Variants in MSRA observed in about 807,000 individuals in gnomAD.
MSRA encodes the protein mitochondrial peptide methionine sulfoxide reductase.
MSRA carries 54 observed loss-of-function variants against 31.3 expected under a neutral mutation model. The ratio of observed to expected loss-of-function variants is 1.73; its 90% CI spans 1.39 to 2.17. MSRA has a LOEUF of 2.17. Among genes scored for constraint, MSRA ranks in the 30% most tolerant of loss-of-function variants. The probability of loss-of-function intolerance (pLI) is 0.00; values close to 1 mark genes in which losing one functional copy is unlikely to be tolerated. For missense variants in MSRA, 507 were observed against 300.9 expected (o/e 1.69, Z -5.07); for synonymous variants, 169 against 116.5 (o/e 1.45, Z -2.90).
chr8:10,059,009 G>A (rs1802552935), intron 1 of MSRA: 1 of 152,308 alleles, frequency 6.6e-6, no homozygotes, highest in Middle Eastern at 3.4e-3. Flanking sequence ...GGTACAGCCA[G>A]TGTGATCAGA....
At chr8:10,245,079 T>G in intron 2 of MSRA, 25 bp from the exon 3 acceptor site, 1 of 1,608,598 alleles carries the variant, frequency 6.2e-7, no homozygotes, top group Non-Finnish European at 8.5e-7. Flanking sequence ...TCAGTATCCT[T>G]TTTTTTTCTT....
chr8:10,339,531 C>CTTTTTTTTT lies in MSRA; in HGVS notation c.543+19560_543+19568dup, dbSNP rs774034241. On this transcript the variant is annotated intron_variant, in intron 5 of 5. Coordinates refer to ENST00000317173, the MANE Select transcript of MSRA (RefSeq NM_012331.5). ...GTTAAGCAAGGGGTTTTCTTTCTTTCTTTTTTTTTTTTTTTTTTTTTTTTT... is the reference window on the plus strand; with the variant it reads ...GTTAAGCAAGGGGTTTTCTTTCTTTCTTTTTTTTTTTTTTTTTTTTTTTTTTTTTTTTTT... 8.8e-4 allele frequency among the ~76,000 whole-genome samples: 64 copies of CTTTTTTTTT among 72,812 alleles called. 1 individual carries two copies. Among genetic ancestry groups the CTTTTTTTTT allele is most frequent in the Non-Finnish European group, 1.1e-3 (46 of 41,100 alleles). The allele number at this position is 72,812 out of a possible 152,430, so 47.8% of individuals were successfully genotyped here.
In MSRA at chr8:10,360,319, A is replaced by G. The variant is rs75721233; in HGVS notation, c.543+40330A>G. On this transcript the variant is annotated intron_variant, in intron 5 of 5. Transcript: ENST00000317173. ...TAGCAGAGATGCCCCCTTCCTCAAA[A>G]AAGAACAAAAAACAAACAAAAAACA... Among the ~76,000 whole-genome samples, 220 of 152,310 alleles carry G rather than the reference A, an allele frequency of 1.4e-3. 5 individuals are homozygous for G. In the East Asian group the frequency reaches 0.04, roughly 28 times the overall value.
At chr8:10,270,040 A>G (rs1798948874) in intron 3 of MSRA, among the ~76,000 whole-genome samples, 1 of 152,238 alleles carries the variant, frequency 6.6e-6, no homozygotes, top group African/African-American at 2.4e-5. Flanking sequence ...ATAATGTGCA[A>G]TGGATAGCAT....
At chr8:10,275,120 G>A (rs1158067401) in intron 3 of MSRA, among the ~76,000 whole-genome samples, 1 of 150,914 alleles carries the variant, frequency 6.6e-6, no homozygotes, top group Non-Finnish European at 1.5e-5. Flanking sequence ...TATTCCAGGT[G>A]TCCTTTTTTC....
chr8:10,337,489 C>G (rs1803129617), intron 5 of MSRA: 3 of 537,756 alleles, frequency 5.6e-6, no homozygotes, highest in Non-Finnish European at 9.9e-6. Context: ...AAGCCTATGT[C>G]GCTTTTAAGA....
chr8:10,299,771 C>G (rs1800743626), intron 3 of MSRA, among the ~76,000 whole-genome samples: 1 of 152,140 alleles, frequency 6.6e-6, no homozygotes, highest in South Asian at 2.1e-4. Flanking sequence ...CTCAAAAACG[C>G]TGCCAATGGA....
intron 5 of MSRA, among the ~76,000 whole-genome samples, chr8:10,405,707 A>T (rs1807762382): frequency 6.6e-6 from 1 of 152,186 alleles, no homozygotes; most frequent in Non-Finnish European, 1.5e-5. Flanking sequence ...ATGCATACAC[A>T]ACCATGTGCT....
intron 1 of MSRA, among the ~76,000 whole-genome samples, chr8:10,104,261 C>T (rs958169722): frequency 6.6e-6 from 1 of 152,134 alleles, no homozygotes; most frequent in Non-Finnish European, 1.5e-5. Context: ...GCCATTCTCC[C>T]AAGTATTTGT....
chr8:10,310,305 T>A (rs942562455), intron 4 of MSRA, among the ~76,000 whole-genome samples: 7 of 152,210 alleles, frequency 4.6e-5, no homozygotes, highest in African/African-American at 1.7e-4. Context: ...TTCATTCTTT[T>A]AAGAATTTCA....
At chr8:10,168,724 G>A (rs1157018970) in intron 1 of MSRA, among the ~76,000 whole-genome samples, 4 of 152,180 alleles carry the variant, frequency 2.6e-5, no homozygotes, top group Non-Finnish European at 5.9e-5. Flanking sequence ...CCCATCCCTT[G>A]CGGGGATTTG....
intron 1 of MSRA, among the ~76,000 whole-genome samples, chr8:10,084,061 C>T (rs1234339503): frequency 6.6e-6 from 1 of 152,194 alleles, no homozygotes; most frequent in South Asian, 2.1e-4. Flanking sequence ...TGCAGTGTCA[C>T]ATCTTAAGAG....
intron 1 of MSRA, among the ~76,000 whole-genome samples, chr8:10,137,570 A>C (rs2129029211): frequency 6.6e-6 from 1 of 152,348 alleles, no homozygotes; most frequent in East Asian, 1.9e-4. Flanking sequence ...AGAACTGACC[A>C]TAAGCTTAGT....
At chr8:10,119,506 C>A (rs1800947982) in intron 1 of MSRA, among the ~76,000 whole-genome samples, 1 of 152,174 alleles carries the variant, frequency 6.6e-6, no homozygotes, top group East Asian at 1.9e-4. Context: ...GAAAAGCAAC[C>A]AGGGCGCAAG....
chr8:10,215,744 C>T (rs1372196059), intron 2 of MSRA, among the ~76,000 whole-genome samples: 1 of 152,204 alleles, frequency 6.6e-6, no homozygotes, highest in Non-Finnish European at 1.5e-5. Flanking sequence ...TCAGAAAATA[C>T]TATATTTCTC....
intron 3 of MSRA, among the ~76,000 whole-genome samples, chr8:10,246,875 G>C (rs908672672): frequency 6.6e-6 from 1 of 151,974 alleles, no homozygotes; most frequent in Non-Finnish European, 1.5e-5. Flanking sequence ...GCTATAAATA[G>C]ACTCAAATGA....
At chr8:10,175,418 C>T (rs1006044988) in intron 1 of MSRA, among the ~76,000 whole-genome samples, 1 of 152,166 alleles carries the variant, frequency 6.6e-6, no homozygotes, top group African/African-American at 2.4e-5. Context: ...ATTATTTTTG[C>T]TTTCCCCAAA....
At chr8:10,174,294 G>C (rs1805847460) in intron 1 of MSRA, among the ~76,000 whole-genome samples, 3 of 152,150 alleles carry the variant, frequency 2.0e-5, no homozygotes, top group Non-Finnish European at 4.4e-5. Flanking sequence ...GGAGCTTGCT[G>C]ACAGCTAGAA....
intron 1 of MSRA, among the ~76,000 whole-genome samples, chr8:10,087,729 C>A (rs75973196): frequency 2.0e-5 from 3 of 152,116 alleles, no homozygotes; most frequent in East Asian, 3.8e-4. Flanking sequence ...AGTGCCATAC[C>A]CTCAAGGTTT....
Sources: gnomAD v4.1 joint callset for allele counts (sites outside exome capture counted in the v4.1 genomes callset) on GRCh38, gnomAD v4.1.1 for gene constraint, MANE v1.5 for transcripts, NCBI Gene and HGNC (gene_info 2026-07-23, HGNC 2026-07-21) for gene names.